CADPS2: variants seen among roughly 807,000 people sequenced by gnomAD.
The protein encoded by CADPS2 is calcium dependent secretion activator 2.
Under a neutral mutation model 172.5 loss-of-function variants are expected in CADPS2, and 93 were observed. The ratio of observed to expected loss-of-function variants is 0.54; its 90% CI spans 0.46 to 0.64. The LOEUF (loss-of-function observed/expected upper bound fraction) is 0.64, where lower values mean the gene tolerates loss of function less well. CADPS2 is among the 30% of genes least tolerant of loss of function. CADPS2 has a pLI of 0.00. For missense variants in CADPS2, 1,420 were observed against 1,565.9 expected, an observed-to-expected ratio of 0.91 and a Z score of 1.57; for synonymous variants, 546 against 555.2, an observed-to-expected ratio of 0.98 and a Z score of 0.23.
At position 122,491,279 on chromosome 7, in the gene CADPS2, C is replaced by A. The variant is rs34758804; in HGVS notation, c.1651+33G>T. The A allele has an allele frequency of 2.9e-6, 4 of 1,398,628 alleles. No homozygotes were observed. In the African/African-American group the frequency reaches 4.3e-5, roughly 15 times the overall value. 86.6% of individuals were successfully genotyped at this position (1,398,628 alleles called of 1,614,324 possible). On this transcript the variant is annotated intron_variant, in intron 10 of 29. Transcript: ENST00000449022. ...TTTATAAGAATTCCATGCATACATA[C>A]ATGGCAGGAAAAGTGATTCAATTAA...
intron 8 of CADPS2, among the ~76,000 whole-genome samples, chr7:122,532,731 C>T (rs1303311906): frequency 6.6e-6 from 1 of 152,052 alleles, no homozygotes; most frequent in African/African-American, 2.4e-5. Flanking sequence ...TAAAAGCCAA[C>T]CATCTCTGTA....
chr7:122,885,192 T>G (rs1341127282), intron 1 of CADPS2, among the ~76,000 whole-genome samples: 1 of 152,180 alleles, frequency 6.6e-6, no homozygotes, highest in African/African-American at 2.4e-5. Flanking sequence ...ATCAGGCCCC[T>G]GGGGTCTTGT....
At chr7:122,436,918 T>G (rs556336320) in intron 17 of CADPS2, among the ~76,000 whole-genome samples, 1 of 152,248 alleles carries the variant, frequency 6.6e-6, no homozygotes, top group East Asian at 1.9e-4. Context: ...GTCAAAAATA[T>G]TAACTCAGTT....
intron 12 of CADPS2, among the ~76,000 whole-genome samples, chr7:122,475,102 A>G (rs1369855783): frequency 2.0e-5 from 3 of 152,164 alleles, no homozygotes; most frequent in African/African-American, 7.2e-5. Context: ...AACGTCCCAA[A>G]TGGCACTTCA....
At chr7:122,379,256 C>A in intron 25 of CADPS2, 112 bp downstream of exon 25, 1 of 644,774 alleles carries the variant, frequency 1.6e-6, no homozygotes, top group Non-Finnish European at 2.5e-6. Context: ...TTTTTTCCTG[C>A]CCTAATCTTT....
At chr7:122,790,028 G>GCT (rs1554434593) in intron 1 of CADPS2, among the ~76,000 whole-genome samples, 1 of 126,672 alleles carries the variant, frequency 7.9e-6, no homozygotes, top group African/African-American at 2.9e-5. Flanking sequence ...AATATTAAGT[G>GCT]TTTTTTTTTT....
At chr7:122,404,370 C>A (rs1038627570) in intron 20 of CADPS2, among the ~76,000 whole-genome samples, 1 of 152,190 alleles carries the variant, frequency 6.6e-6, no homozygotes, top group African/African-American at 2.4e-5. Context: ...ATATGGGCCA[C>A]ATTTCTTAAT....
At chr7:122,645,287 G>T (rs2078208287) in intron 3 of CADPS2, among the ~76,000 whole-genome samples, 1 of 136,182 alleles carries the variant, frequency 7.3e-6, no homozygotes, top group East Asian at 2.2e-4. Flanking sequence ...ACACACATAT[G>T]TACATATATA....
In CADPS2 at chr7:122,675,666, G is replaced by A. The variant is rs183011041; in HGVS notation, c.454-12097C>T. Among the ~76,000 whole-genome samples, 941 of 152,264 alleles carry A rather than the reference G, an allele frequency of 6.2e-3. 8 individuals carry two copies. Among genetic ancestry groups the A allele is most frequent in the Non-Finnish European group, 9.6e-3 (654 of 68,028 alleles). ...AAAAAAGAATGAGTTCATGTCCTCTGCAGGAATGTGGACGAAGCTGGAAGC... is the reference window on the plus strand; with the variant it reads ...AAAAAAGAATGAGTTCATGTCCTCTACAGGAATGTGGACGAAGCTGGAAGC... On this transcript the variant is annotated intron_variant, in intron 2 of 29. Coordinates refer to ENST00000449022, the MANE Select transcript of CADPS2 (RefSeq NM_017954.11).
intron 5 of CADPS2, among the ~76,000 whole-genome samples, chr7:122,616,213 G>A (rs2133883368): frequency 6.6e-6 from 1 of 152,048 alleles, no homozygotes; most frequent in East Asian, 1.9e-4. Context: ...TTTTATATAT[G>A]TACATTGATG....
intron 1 of CADPS2, among the ~76,000 whole-genome samples, chr7:122,811,644 C>A (rs543511227): frequency 6.6e-6 from 1 of 151,938 alleles, no homozygotes; most frequent in Non-Finnish European, 1.5e-5. Context: ...GCTATTAAAT[C>A]TGAATATTTT....
chr7:122,633,729 C>A (rs977177971), intron 3 of CADPS2, among the ~76,000 whole-genome samples: 1 of 152,080 alleles, frequency 6.6e-6, no homozygotes, highest in African/African-American at 2.4e-5. Flanking sequence ...TCTAGTACTA[C>A]GTTGAACAGG....
At chr7:122,880,729 A>C (rs1054995941) in intron 1 of CADPS2, among the ~76,000 whole-genome samples, 2 of 152,310 alleles carry the variant, frequency 1.3e-5, no homozygotes, top group Non-Finnish European at 2.9e-5. Context: ...TGCAGTTAAG[A>C]TAAGAATCGC....
intron 14 of CADPS2, among the ~76,000 whole-genome samples, chr7:122,456,573 A>G (rs1054693899): frequency 8.5e-5 from 13 of 152,218 alleles, no homozygotes; most frequent in African/African-American, 2.9e-4. Context: ...TAAAACTTCT[A>G]TCTGGTCTTA....
rs188538030 is a variant in CADPS2 at position 122,788,040 on chromosome 7, A to G, written c.340-50972T>C. Among the ~76,000 whole-genome samples, 1,070 of 152,312 alleles carry G rather than the reference A, an allele frequency of 7.0e-3. 5 individuals carry two copies. The highest frequency in any genetic ancestry group is 0.011 in the Non-Finnish European group (749 of 68,022). On this transcript the variant is annotated intron_variant, in intron 1 of 29. Transcript: ENST00000449022. ...TGTGAGAATAAGAGCACACTATGGG[A>G]GACTGAGAAAGTAGAAGTTAACTCA... is the stretch of plus-strand genomic sequence containing the variant.
chr7:122,459,987 T>C (rs2054255795), intron 14 of CADPS2, among the ~76,000 whole-genome samples: 1 of 152,158 alleles, frequency 6.6e-6, no homozygotes. Context: ...GGAAATGATA[T>C]TTAACCTGAA....
intron 1 of CADPS2, among the ~76,000 whole-genome samples, chr7:122,800,977 G>GAAAAAAAAAA: frequency 7.0e-6 from 1 of 143,242 alleles, no homozygotes. Context: ...GTGCGACAGA[G>GAAAAAAAAAA]CGAGACTCTG....
intron 25 of CADPS2, among the ~76,000 whole-genome samples, chr7:122,362,395 T>C (rs369098495): frequency 1.2e-4 from 19 of 152,306 alleles, no homozygotes; most frequent in East Asian, 1.2e-3. Context: ...CTTCTCAGGC[T>C]TCCTCCATCA....
intron 1 of CADPS2, among the ~76,000 whole-genome samples, chr7:122,784,575 T>C (rs1361545729): frequency 6.6e-6 from 1 of 152,242 alleles, no homozygotes; most frequent in African/African-American, 2.4e-5. Context: ...AGGAAAATGA[T>C]ATAAGTTGAA....
Sources: gnomAD v4.1 joint callset for allele counts (sites outside exome capture counted in the v4.1 genomes callset) on GRCh38, gnomAD v4.1.1 for gene constraint, MANE v1.5 for transcripts, NCBI Gene and HGNC (gene_info 2026-07-23, HGNC 2026-07-21) for gene names.